The following KLHL13 variants were observed in gnomAD, a reference collection of about 807,000 sequenced individuals.
KLHL13 encodes kelch-like protein 13.
KLHL13 carries 10 observed loss-of-function variants against 37.1 expected under a neutral mutation model. The ratio of observed to expected loss-of-function variants is 0.27; its 90% CI spans 0.17 to 0.46. The LOEUF (loss-of-function observed/expected upper bound fraction) is 0.46. Ranked by LOEUF, KLHL13 falls within the 20% of genes least tolerant of loss-of-function variation. The pLI, the probability that KLHL13 is intolerant of heterozygous loss-of-function variation, is 1.00. For synonymous variants in KLHL13, 163 were observed against 181.2 expected, an observed-to-expected ratio of 0.90 and a Z score of 0.81; for missense variants, 360 against 509.3, an observed-to-expected ratio of 0.71 and a Z score of 2.82.
At chrX:117,926,276 G>T (rs1043472537) in intron 2 of KLHL13, among the ~76,000 whole-genome samples, 6 of 111,572 alleles carry the variant, frequency 5.4e-5, no homozygotes, top group African/African-American at 2.0e-4. Context: ...AGACAGAGGT[G>T]CAGGGAGTGG....
exon 7 of KLHL13, chrX:117,898,179 CA>C (rs1602521100): frequency 1.8e-5 from 2 of 111,221 alleles, no homozygotes; most frequent in Non-Finnish European, 3.8e-5. Flanking sequence ...ATGTGCCACT[CA>C]ATTTTTAAAA....
intron 1 of KLHL13, among the ~76,000 whole-genome samples, chrX:118,073,631 T>C (rs1280921761): frequency 8.9e-6 from 1 of 112,245 alleles, no homozygotes; most frequent in Admixed American, 9.4e-5. Flanking sequence ...AAATGTAGAA[T>C]ATAACAATAG....
At chrX:118,044,513 AG>A (rs2054537889) in intron 1 of KLHL13, among the ~76,000 whole-genome samples, 1 of 111,183 alleles carries the variant, frequency 9.0e-6, no homozygotes. Context: ...TAACCAAAAC[AG>A]CATGGTGCTG....
intron 1 of KLHL13, among the ~76,000 whole-genome samples, chrX:118,087,296 T>A (rs949542582): frequency 1.8e-5 from 2 of 110,119 alleles, no homozygotes; most frequent in African/African-American, 6.6e-5. Context: ...GATGGCCCAT[T>A]CCGTACTTCA....
chrX:117,916,549 T>C (rs1931374999), intron 4 of KLHL13, among the ~76,000 whole-genome samples: 1 of 112,396 alleles, frequency 8.9e-6, no homozygotes, highest in Non-Finnish European at 1.9e-5. Context: ...AAAACTGGTA[T>C]CTCTATCCCA....
chrX:117,909,896 G>T (rs779088594), exon 5 of KLHL13: 1 of 1,210,138 alleles, frequency 8.3e-7, no homozygotes, highest in African/African-American at 1.7e-5. Context: ...TAGCCTTAAA[G>T]AGCTCAAGTT....
chrX:117,954,445 G>C (rs142906630), intron 1 of KLHL13, among the ~76,000 whole-genome samples: 18 of 111,887 alleles, frequency 1.6e-4, no homozygotes, highest in African/African-American at 5.8e-4. Context: ...GGGATACATG[G>C]ATGGATGAAT....
At chrX:117,921,393 A>T (rs919979731) in intron 2 of KLHL13, among the ~76,000 whole-genome samples, 3 of 111,993 alleles carry the variant, frequency 2.7e-5, no homozygotes, top group Admixed American at 9.5e-5. Flanking sequence ...TTGTCGATTA[A>T]GAATAACGAA....
At chrX:118,018,333 C>A (rs148124606) in intron 1 of KLHL13, among the ~76,000 whole-genome samples, 1 of 111,715 alleles carries the variant, frequency 9.0e-6, no homozygotes, top group Non-Finnish European at 1.9e-5. Context: ...TAGAAGAACT[C>A]ATCACTTTTC....
chrX:117,995,145 C>A (rs1026376358), intron 1 of KLHL13, among the ~76,000 whole-genome samples: 1 of 111,954 alleles, frequency 8.9e-6, no homozygotes, highest in Non-Finnish European at 1.9e-5. Context: ...ATTTTTCATT[C>A]ATTTGTGAAC....
chrX:118,017,269 A>AT (rs1469487080), intron 1 of KLHL13, among the ~76,000 whole-genome samples: 1 of 111,692 alleles, frequency 9.0e-6, no homozygotes, highest in African/African-American at 3.2e-5. Flanking sequence ...TATTATTATA[A>AT]TTAATAATCA....
intron 1 of KLHL13, among the ~76,000 whole-genome samples, chrX:117,996,580 T>C (rs1293909378): frequency 9.0e-6 from 1 of 111,630 alleles, no homozygotes; most frequent in African/African-American, 3.3e-5. Context: ...CAATACATTC[T>C]TGGGCATGCC....
intron 1 of KLHL13, among the ~76,000 whole-genome samples, chrX:117,981,993 T>G (rs142256333): frequency 0.012 from 1,279 of 110,934 alleles, 20 homozygotes; most frequent in African/African-American, 0.04. Flanking sequence ...CAACTTACTC[T>G]GCCTAGCCCA....
intron 1 of KLHL13, among the ~76,000 whole-genome samples, chrX:117,954,977 C>T (rs916223486): frequency 9.8e-5 from 11 of 112,088 alleles, no homozygotes; most frequent in Non-Finnish European, 2.1e-4. Context: ...ACCAAGGTGT[C>T]ATTTTACTCC....
chrX:118,023,866 A>G (rs748203811), intron 1 of KLHL13, among the ~76,000 whole-genome samples: 1 of 111,644 alleles, frequency 9.0e-6, no homozygotes, highest in Non-Finnish European at 1.9e-5. Context: ...GCCTTTTCCT[A>G]TGTTTTACTG....
At chrX:118,032,166 G>T (rs973308835) in intron 1 of KLHL13, among the ~76,000 whole-genome samples, 2 of 111,117 alleles carry the variant, frequency 1.8e-5, no homozygotes, top group Non-Finnish European at 3.8e-5. Context: ...GCTGGGGGAG[G>T]GGCGCCCACC....
rs140063087 is a variant in KLHL13 at position 117,944,825 on chromosome X, T to C, written c.240+609A>G. Among the ~76,000 whole-genome samples the C allele has an allele frequency of 1.3e-4, 14 of 111,756 alleles. 1 individual carries two copies. Among genetic ancestry groups the C allele is most frequent in the African/African-American group, 4.2e-4 (13 of 30,789 alleles). On this transcript the variant is annotated intron_variant, in intron 2 of 6. Transcript: ENST00000262820. ...GCTAAATAGCTCCAGATTGCTGTGT[T>C]TCATGTTCTTTTGGCTTTCTACTGT...
intron 1 of KLHL13, among the ~76,000 whole-genome samples, chrX:117,967,941 A>T (rs997707059): frequency 1.8e-5 from 2 of 111,050 alleles, no homozygotes; most frequent in Non-Finnish European, 3.8e-5. Flanking sequence ...TCCTATAATT[A>T]AAAAAAATAA....
At chrX:117,906,935 T>C in intron 5 of KLHL13, among the ~76,000 whole-genome samples, 1 of 111,414 alleles carries the variant, frequency 9.0e-6, no homozygotes, top group Non-Finnish European at 1.9e-5. Context: ...GTTTATGAAA[T>C]AAGATTAAAA....
Sources: gnomAD v4.1 joint callset for allele counts (sites outside exome capture counted in the v4.1 genomes callset) on GRCh38, gnomAD v4.1.1 for gene constraint, MANE v1.5 for transcripts, NCBI Gene and HGNC (gene_info 2026-07-23, HGNC 2026-07-21) for gene names.